The following PPIP5K2 variants were observed in gnomAD, a reference collection of about 807,000 sequenced individuals.
PPIP5K2 encodes the protein diphosphoinositol pentakisphosphate kinase 2.
A neutral mutation model predicts 154.6 loss-of-function variants in PPIP5K2; 105 were observed. The ratio of observed to expected loss-of-function variants is 0.68; its 90% CI spans 0.58 to 0.80. The LOEUF is 0.80. Among genes scored for constraint, PPIP5K2 ranks in the 30% least tolerant of loss-of-function variants. PPIP5K2 has a pLI of 0.00. For missense variants in PPIP5K2, 992 were observed against 1,504.6 expected (o/e 0.66, Z 5.64); for synonymous variants, 480 against 490.3 (o/e 0.98, Z 0.28).
chr5:103,194,349 T>A (rs1554227782), intron 29 of PPIP5K2, among the ~76,000 whole-genome samples: 1 of 152,154 alleles, frequency 6.6e-6, no homozygotes, highest in Non-Finnish European at 1.5e-5. Flanking sequence ...AAATGAGGCC[T>A]CCCTGTGTTG....
At chr5:103,179,332 T>C (rs1183686852) in intron 23 of PPIP5K2, among the ~76,000 whole-genome samples, 7 of 152,066 alleles carry the variant, frequency 4.6e-5, no homozygotes, top group Non-Finnish European at 7.4e-5. Flanking sequence ...TGCGTTCTTA[T>C]TGCTTTAAAA....
chr5:103,142,140 G>C (rs1266622883), intron 5 of PPIP5K2, among the ~76,000 whole-genome samples: 4 of 152,242 alleles, frequency 2.6e-5, no homozygotes. Context: ...TGGGTGGGAG[G>C]CTCAGGCATA....
chr5:103,198,235 T>G (rs1802428988), intron 30 of PPIP5K2, among the ~76,000 whole-genome samples: 1 of 152,170 alleles, frequency 6.6e-6, no homozygotes, highest in Non-Finnish European at 1.5e-5. Flanking sequence ...ATTGCAGTTA[T>G]AAAAACATAC....
chr5:103,201,847 G>C lies in PPIP5K2; in HGVS notation c.*213G>C. The C allele has an allele frequency of 2.0e-6, 1 of 489,048 alleles. No individual in the cohort carries two copies. The highest frequency in any genetic ancestry group is 3.7e-6 in the Non-Finnish European group (1 of 272,648). The allele number at this position is 489,048 out of a possible 1,614,324, so 30.3% of individuals were successfully genotyped here. On this transcript the variant is annotated 3_prime_UTR_variant, in exon 31 of 31. Coordinates refer to ENST00000358359, the MANE Select transcript of PPIP5K2 (RefSeq NM_001276277.3). ...AGCAAAACTTATAGTGATAAAAATC[G>C]ATTGTTGTTAATATGATGTTTACCA...
intron 5 of PPIP5K2, among the ~76,000 whole-genome samples, chr5:103,140,699 C>T (rs1429545092): frequency 5.3e-5 from 8 of 151,198 alleles, no homozygotes; most frequent in African/African-American, 1.9e-4. Flanking sequence ...TAGCCGGGCG[C>T]AGTGGCGGGC....
At chr5:103,158,877 C>T (rs1554214614) in intron 16 of PPIP5K2, among the ~76,000 whole-genome samples, 1 of 152,006 alleles carries the variant, frequency 6.6e-6, no homozygotes, top group African/African-American at 2.4e-5. Flanking sequence ...TGCAATGAGC[C>T]AAAATCACAC....
At chr5:103,194,286 G>A (rs1288856354) in intron 29 of PPIP5K2, among the ~76,000 whole-genome samples, 2 of 151,740 alleles carry the variant, frequency 1.3e-5, no homozygotes, top group Non-Finnish European at 1.5e-5. Context: ...TTCTGCCTCA[G>A]CCTCCCGAGT....
At chr5:103,140,694 G>C (rs374602627) in intron 5 of PPIP5K2, among the ~76,000 whole-genome samples, 1 of 151,650 alleles carries the variant, frequency 6.6e-6, no homozygotes, top group Non-Finnish European at 1.5e-5. Context: ...AAAATTAGCC[G>C]GGCGCAGTGG....
chr5:103,167,543 T>C (rs1797319549), intron 18 of PPIP5K2, among the ~76,000 whole-genome samples: 1 of 151,994 alleles, frequency 6.6e-6, no homozygotes, highest in African/African-American at 2.4e-5. Flanking sequence ...TTGATTATCT[T>C]ATTATGCAGC....
At chr5:103,173,119 A>G (rs1338373013) in intron 19 of PPIP5K2, 36 bp from the exon 20 acceptor site, 7 of 1,530,516 alleles carry the variant, frequency 4.6e-6, no homozygotes, top group African/African-American at 1.4e-5. Flanking sequence ...CTTTGTCATT[A>G]TATCCTTTTT....
intron 5 of PPIP5K2, among the ~76,000 whole-genome samples, chr5:103,142,049 G>A (rs1004283625): frequency 2.6e-5 from 4 of 152,216 alleles, no homozygotes; most frequent in Non-Finnish European, 4.4e-5. Context: ...CTCAGCCCTT[G>A]GGTGGTCGAT....
chr5:103,146,254 A>G (rs1554209096), intron 5 of PPIP5K2, among the ~76,000 whole-genome samples: 1 of 152,062 alleles, frequency 6.6e-6, no homozygotes, highest in East Asian at 1.9e-4. Flanking sequence ...CTTTCTTGAT[A>G]TAATAATTTC....
intron 27 of PPIP5K2, 68 bp downstream of exon 27, chr5:103,186,507 C>G (rs1800410161): frequency 6.3e-7 from 1 of 1,592,386 alleles, no homozygotes; most frequent in Admixed American, 1.7e-5. Context: ...CAGTATTTCT[C>G]AAAGGCAAAT....
rs1026128831 is a variant in PPIP5K2, at chr5:103,212,486, G to C, written c.*10852G>C. ...GAAGAGGTTTTTAAAAGCAAAGTTA[G>C]GCATTCAATGATGACTTCATAAATG... On this transcript the variant is annotated 3_prime_UTR_variant, in exon 31 of 31. Transcript: ENST00000358359. 32 of 152,068 alleles carry C rather than the reference G, an allele frequency of 2.1e-4. No homozygotes were observed. Among genetic ancestry groups the C allele is most frequent in the African/African-American group, 7.2e-4 (30 of 41,416 alleles). 9.4% of individuals were successfully genotyped at this position (152,068 alleles called of 1,614,324 possible).
intron 18 of PPIP5K2, 56 bp downstream of exon 18, chr5:103,167,376 A>C: frequency 7.3e-7 from 1 of 1,363,874 alleles, no homozygotes; most frequent in Non-Finnish European, 9.8e-7. Context: ...TCAATTAAGC[A>C]TTTAATATAT....
rs1264269773 is a variant in PPIP5K2 at position 103,209,287 on chromosome 5, C to T, written c.*7653C>T. 2 of 151,944 alleles carry T rather than the reference C, an allele frequency of 1.3e-5. No homozygotes were observed. The highest frequency in any genetic ancestry group is 4.8e-5 in the African/African-American group (2 of 41,364). The allele number at this position is 151,944 out of a possible 1,614,324, so 9.4% of individuals were successfully genotyped here. On this transcript the variant is annotated 3_prime_UTR_variant, in exon 31 of 31. Coordinates refer to ENST00000358359, the MANE Select transcript of PPIP5K2 (RefSeq NM_001276277.3). ...TCCTGTTGCCAGGGCAACAGCCTGC[C>T]TAGTAACAATCTAACAGACACCCCC... is the stretch of plus-strand genomic sequence containing the variant.
intron 28 of PPIP5K2, 66 bp from the exon 29 acceptor site, chr5:103,190,775 CT>C: frequency 7.0e-7 from 1 of 1,421,614 alleles, no homozygotes. Context: ...AGTAGTCTTC[CT>C]TTCTAATTAC....
At chr5:103,169,041 T>C (rs906125813) in intron 19 of PPIP5K2, among the ~76,000 whole-genome samples, 1 of 151,896 alleles carries the variant, frequency 6.6e-6, no homozygotes, top group Non-Finnish European at 1.5e-5. Context: ...AAATAATGTT[T>C]AGAGGTCAAG....
chr5:103,180,620 C>T (rs958339450), intron 24 of PPIP5K2, among the ~76,000 whole-genome samples: 3 of 151,414 alleles, frequency 2.0e-5, no homozygotes, highest in African/African-American at 4.9e-5. Flanking sequence ...GAGGCCGAGG[C>T]GGGTGGATCA....
Sources: gnomAD v4.1 joint callset for allele counts (sites outside exome capture counted in the v4.1 genomes callset) on GRCh38, gnomAD v4.1.1 for gene constraint, MANE v1.5 for transcripts, NCBI Gene and HGNC (gene_info 2026-07-23, HGNC 2026-07-21) for gene names.